The following BYSL variants were observed in gnomAD, a reference collection of about 807,000 sequenced individuals.
BYSL encodes the protein bystin.
A neutral mutation model predicts 45.4 loss-of-function variants in BYSL; 21 were observed. The ratio of observed to expected loss-of-function variants is 0.46; its 90% CI spans 0.33 to 0.67. The LOEUF (loss-of-function observed/expected upper bound fraction) is 0.67. Among genes scored for constraint, BYSL ranks in the 30% least tolerant of loss-of-function variants. The pLI is 0.02. For missense variants in BYSL, 522 were observed against 578.5 expected (o/e 0.90, Z 1.00); for synonymous variants, 215 against 231.3 (o/e 0.93, Z 0.64).
chr6:41,928,269 A>G (rs565464201), intron 2 of BYSL, among the ~76,000 whole-genome samples: 1 of 152,318 alleles, frequency 6.6e-6, no homozygotes, highest in East Asian at 1.9e-4. Context: ...TGACCCTGTG[A>G]TATTAACATA....
At chr6:41,927,614 T>C in intron 2 of BYSL, 78 bp downstream of exon 2, 1 of 1,550,872 alleles carries the variant, frequency 6.4e-7, no homozygotes, top group Non-Finnish European at 8.8e-7. Flanking sequence ...AGACTTATGA[T>C]TCCCTACCTT....
chr6:41,931,127 C>CGAGAGGAGGCG (rs770728363), intron 4 of BYSL, among the ~76,000 whole-genome samples: 7 of 151,040 alleles, frequency 4.6e-5, no homozygotes, highest in South Asian at 2.1e-4. Context: ...GGCTACTCAA[C>CGAGAGGAGGCG]TGATGCTGAG....
At chr6:41,919,885 A>C (rs1775415131), upstream of BYSL, among the ~76,000 whole-genome samples, 1 of 152,244 alleles carries the variant, frequency 6.6e-6, no homozygotes, top group Non-Finnish European at 1.5e-5. Context: ...CAATCGTAGG[A>C]AGCAAGAGTG....
At position 41,931,754 on chromosome 6, in the gene BYSL, G is replaced by C; in HGVS notation, c.892G>C (p.Gly298Arg). The change falls in exon 6 of 7, where the codon GGC (glycine) becomes CGC (arginine). Residue 298 changes from glycine (G) to arginine (R), a missense_variant. By Grantham distance (125) the Gly-to-Arg change is moderately radical. Coordinates refer to ENST00000230340, the MANE Select transcript of BYSL (RefSeq NM_004053.4). ...GATCCTGATTCCACTGTGCGAGTCTGGCACTTGTACCCTCCGGGAAGCCAT... is the reference window on the plus strand; with the variant it reads ...GATCCTGATTCCACTGTGCGAGTCTCGCACTTGTACCCTCCGGGAAGCCAT... ...KGILIPLCES[G>R]TCTLREAIIV... 1 of 1,614,152 alleles carries C rather than the reference G, an allele frequency of 6.2e-7. No individual in the cohort carries two copies. The highest frequency in any genetic ancestry group is 1.1e-5 in the South Asian group (1 of 91,090).
At chr6:41,931,972 C>T in intron 6 of BYSL, 142 bp downstream of exon 6, 1 of 777,882 alleles carries the variant, frequency 1.3e-6, no homozygotes, top group Non-Finnish European at 2.2e-6. Flanking sequence ...GTAGGTGTAT[C>T]ATTATCCCCC....
Position 41,927,420 on chromosome 6 carries a change from G to A in BYSL, c.315G>A (p.Trp105Ter). Reference sequence around the variant, plus strand: ...GATCAGATGACGAGGACGAGGAGTGGCCCACCCTGGAGAAGGCTGCCACAA... The same window carrying A: ...GATCAGATGACGAGGACGAGGAGTGACCCACCCTGGAGAAGGCTGCCACAA... The part of the protein sequence containing the change: ...QDGSDDEDEE[W>*]PTLEKAATMT... The change falls in exon 2 of 7, where the codon TGG (tryptophan) becomes TGA (stop). Residue 105 changes from tryptophan (W) to a stop codon, truncating the protein, a stop_gained. Transcript: ENST00000230340. LOFTEE classifies it high-confidence loss of function. 6.2e-7 allele frequency: 1 copy of A among 1,614,154 alleles called. No homozygotes were observed. The highest frequency in any genetic ancestry group is 8.5e-7 in the Non-Finnish European group (1 of 1,180,018).
upstream of BYSL, chr6:41,917,832 A>G (rs1384699433): frequency 4.3e-6 from 2 of 468,866 alleles, no homozygotes; most frequent in Admixed American, 2.4e-5. Flanking sequence ...ACAGTAGCCC[A>G]GAGCCACAGG....
At chr6:41,927,635 C>T in intron 2 of BYSL, 99 bp downstream of exon 2, 1 of 1,460,146 alleles carries the variant, frequency 6.8e-7, no homozygotes, top group African/African-American at 1.4e-5. Context: ...TGGAAAGGGC[C>T]CTGGAGTTGC....
At chr6:41,918,394 C>T (rs1201371305), upstream of BYSL, among the ~76,000 whole-genome samples, 1 of 151,828 alleles carries the variant, frequency 6.6e-6, no homozygotes, top group Non-Finnish European at 1.5e-5. Flanking sequence ...ATCCCAGCTA[C>T]ATGGGAGGCT....
Position 41,921,521 on chromosome 6 carries a change from A to G in BYSL, c.-42A>G. 6.6e-7 allele frequency: 1 copy of G among 1,526,668 alleles called. No homozygotes were observed. The highest frequency in any genetic ancestry group is 8.8e-7 in the Non-Finnish European group (1 of 1,137,256). 94.6% of individuals were successfully genotyped at this position (1,526,668 alleles called of 1,614,324 possible). A position where few individuals can be genotyped will look rare whatever the true frequency, so the allele number is the denominator to read the frequency against. On this transcript the variant is annotated 5_prime_UTR_variant, in exon 1 of 7. Transcript: ENST00000230340. ...CGCAAGCGCATCCTGGCCTTTCTTC[A>G]GTCCCCACGTGCGATCCTTCCCGGC... is the stretch of plus-strand genomic sequence containing the variant.
At chr6:41,925,214 C>T (rs1426103011) in intron 1 of BYSL, among the ~76,000 whole-genome samples, 2 of 152,092 alleles carry the variant, frequency 1.3e-5, no homozygotes, top group African/African-American at 4.8e-5. Flanking sequence ...TCTGTTCCCC[C>T]TTATTTAGTG....
chr6:41,925,182 G>A (rs1404384013), intron 1 of BYSL, among the ~76,000 whole-genome samples: 3 of 152,118 alleles, frequency 2.0e-5, no homozygotes, highest in Admixed American at 1.3e-4. Context: ...TTGGGGGACC[G>A]TTGGAACGTG....
chr6:41,923,311 CT>C (rs35517592), intron 1 of BYSL, among the ~76,000 whole-genome samples: 422 of 138,718 alleles, frequency 3.0e-3, no homozygotes, highest in African/African-American at 4.9e-3. Flanking sequence ...CCAACTAATT[CT>C]TTTTTTTTTT....
Position 41,921,528 on chromosome 6 carries a change from A to C in BYSL, c.-35A>C. 6.5e-7 allele frequency: 1 copy of C among 1,545,346 alleles called. No individual in the cohort carries two copies. Among genetic ancestry groups the C allele is most frequent in the Non-Finnish European group, 8.7e-7 (1 of 1,144,664 alleles). On this transcript the variant is annotated 5_prime_UTR_variant, in exon 1 of 7. Coordinates refer to ENST00000230340, the MANE Select transcript of BYSL (RefSeq NM_004053.4). ...GCATCCTGGCCTTTCTTCAGTCCCC[A>C]CGTGCGATCCTTCCCGGCAACTTTT...
chr6:41,909,035 AT>A, the BYSL span: 2 of 523,478 alleles, frequency 3.8e-6, no homozygotes, highest in Non-Finnish European at 6.6e-6. Context: ...AAAAAAAAAA[AT>A]TTAATTCGGT....
intron 4 of BYSL, 58 bp downstream of exon 4, chr6:41,930,826 C>T (rs12661819): frequency 0.23 from 363,293 of 1,560,550 alleles, 42,967 homozygotes; most frequent in African/African-American, 0.31. Context: ...GAGTTTGGGA[C>T]GGACAGGCTT....
chr6:41,928,860 C>G (rs974618172), intron 2 of BYSL, among the ~76,000 whole-genome samples: 1 of 152,124 alleles, frequency 6.6e-6, no homozygotes, highest in Non-Finnish European at 1.5e-5. Context: ...ATAAGTGTTG[C>G]GCTGACTCTA....
rs1319066827 is a variant in BYSL at position 41,932,559 on chromosome 6, C to T, written c.1167C>T (p.Tyr389=). The T allele has an allele frequency of 5.0e-6, 8 of 1,614,108 alleles. No individual in the cohort carries two copies. The highest frequency in any genetic ancestry group is 3.3e-4 in the Middle Eastern group (2 of 6,084). The change falls in exon 7 of 7, where the codon TAC becomes TAT. Residue 389 remains tyrosine (Y), a synonymous_variant. Coordinates refer to ENST00000230340, the MANE Select transcript of BYSL (RefSeq NM_004053.4). The surrounding 1 kb of genome is among the most constrained non-coding windows in gnomAD (Gnocchi z 4.7). ...HQCLLTLVQR[Y]KADLATDQKE... ...GCCTCCTGACTTTGGTCCAGCGCTACAAGGCCGACTTGGCCACAGACCAGA... is the reference window on the plus strand; with the variant it reads ...GCCTCCTGACTTTGGTCCAGCGCTATAAGGCCGACTTGGCCACAGACCAGA...
intron 5 of BYSL, 56 bp from the exon 6 acceptor site, chr6:41,931,672 T>C (rs771095337): frequency 3.1e-6 from 5 of 1,605,920 alleles, no homozygotes; most frequent in Non-Finnish European, 8.5e-7. Context: ...TGCTTCCTGC[T>C]GTAACTCCTT....
Sources: allele counts gnomAD v4.1 joint callset (sites outside exome capture counted in the v4.1 genomes callset), GRCh38; gene constraint gnomAD v4.1.1; non-coding constraint Gnocchi (gnomAD v3.1); transcripts MANE v1.5; gene names NCBI Gene and HGNC (gene_info 2026-07-23, HGNC 2026-07-21).